The following ARHGAP15 variants were observed in gnomAD, a reference collection of about 807,000 sequenced individuals.
ARHGAP15 encodes the protein rho GTPase-activating protein 15.
In ARHGAP15, 51 loss-of-function variants were observed where a neutral mutation model predicts 63.7. The ratio of observed to expected loss-of-function variants is 0.80; its 90% CI spans 0.64 to 1.01. ARHGAP15 has a LOEUF of 1.01. Among genes scored for constraint, ARHGAP15 ranks in the 50% least tolerant of loss-of-function variants. ARHGAP15 has a pLI of 0.00. For synonymous variants in ARHGAP15, 191 were observed against 193.8 expected, an observed-to-expected ratio of 0.99 and a Z score of 0.12; for missense variants, 560 against 564.6, an observed-to-expected ratio of 0.99 and a Z score of 0.08.
intron 13 of ARHGAP15, among the ~76,000 whole-genome samples, chr2:143,727,167 A>G (rs1230666724): frequency 6.6e-6 from 1 of 152,236 alleles, no homozygotes; most frequent in Non-Finnish European, 1.5e-5. Flanking sequence ...GATAGGGTAG[A>G]GGTAGCATCA....
intron 6 of ARHGAP15, among the ~76,000 whole-genome samples, chr2:143,401,656 C>G (rs964760366): frequency 1.3e-5 from 2 of 151,930 alleles, no homozygotes; most frequent in Admixed American, 6.6e-5. Flanking sequence ...GACATTTTTA[C>G]AGTGATTTCA....
intron 6 of ARHGAP15, among the ~76,000 whole-genome samples, chr2:143,303,995 C>T (rs1683045795): frequency 6.6e-6 from 1 of 152,142 alleles, no homozygotes; most frequent in Admixed American, 6.6e-5. Context: ...AACACTTTTA[C>T]ACTGTTGGTG....
chr2:143,138,727 C>T (rs1166925766), intron 1 of ARHGAP15, among the ~76,000 whole-genome samples: 3 of 152,012 alleles, frequency 2.0e-5, no homozygotes, highest in African/African-American at 7.2e-5. Flanking sequence ...GCAACTAGCA[C>T]AAGTGACTAT....
intron 6 of ARHGAP15, among the ~76,000 whole-genome samples, chr2:143,259,061 T>C (rs1680578959): frequency 6.6e-6 from 1 of 152,078 alleles, no homozygotes; most frequent in African/African-American, 2.4e-5. Context: ...CAATGCTTCA[T>C]TTTCAAAATT....
intron 6 of ARHGAP15, among the ~76,000 whole-genome samples, chr2:143,345,425 T>C (rs992728974): frequency 6.6e-6 from 1 of 152,146 alleles, no homozygotes; most frequent in Non-Finnish European, 1.5e-5. Context: ...ATCATTTTTA[T>C]GTGCAACTTC....
chr2:143,355,721 A>G (rs1268573436), intron 6 of ARHGAP15, among the ~76,000 whole-genome samples: 1 of 152,180 alleles, frequency 6.6e-6, no homozygotes, highest in African/African-American at 2.4e-5. Context: ...TGAGTTATCC[A>G]TAGTACCAAA....
At chr2:143,580,032 A>G (rs1559062260) in intron 11 of ARHGAP15, among the ~76,000 whole-genome samples, 2 of 148,248 alleles carry the variant, frequency 1.3e-5, no homozygotes. Flanking sequence ...TGAGAGCTGA[A>G]GAAAAGTTCT....
At chr2:143,191,341 G>A (rs1691678752) in intron 2 of ARHGAP15, among the ~76,000 whole-genome samples, 2 of 152,130 alleles carry the variant, frequency 1.3e-5, no homozygotes, top group African/African-American at 2.4e-5. Flanking sequence ...GACTTGGTTC[G>A]TATTTTAAAA....
chr2:143,485,939 C>G (rs1201480051), intron 8 of ARHGAP15, among the ~76,000 whole-genome samples: 1 of 152,150 alleles, frequency 6.6e-6, no homozygotes, highest in Admixed American at 6.5e-5. Flanking sequence ...CTTCTCCCAG[C>G]TAGGAGATAA....
In ARHGAP15 at chr2:143,172,396, C is replaced by T. The variant is rs115987751; in HGVS notation, c.165+16741C>T. Among the ~76,000 whole-genome samples, 1,250 of 151,988 alleles carry T rather than the reference C, an allele frequency of 8.2e-3. 19 individuals are homozygous for T. Among genetic ancestry groups the T allele is most frequent in the African/African-American group, 0.028 (1,177 of 41,448 alleles). The stretch of plus-strand genomic sequence containing the variant: ...TTATTTGATGCACAATCAGAGGCCA[C>T]GAAAGGATTTTAAGCACATAAGTCT... On this transcript the variant is annotated intron_variant, in intron 2 of 13. Transcript: ENST00000295095.
chr2:143,679,151 A>T (rs1403871189), intron 12 of ARHGAP15, among the ~76,000 whole-genome samples: 1 of 152,188 alleles, frequency 6.6e-6, no homozygotes, highest in Non-Finnish European at 1.5e-5. Flanking sequence ...TAAAAAAAAA[A>T]AATATGCTGC....
intron 6 of ARHGAP15, among the ~76,000 whole-genome samples, chr2:143,317,672 T>C (rs1415427329): frequency 1.3e-5 from 2 of 152,108 alleles, no homozygotes; most frequent in African/African-American, 4.8e-5. Context: ...ACTGAGGAAT[T>C]TGTACTGTAT....
chr2:143,467,242 C>CTTTTTTTTTTTTTTTTTTTTTTTTTTTT (rs202115707), intron 8 of ARHGAP15, among the ~76,000 whole-genome samples: 12 of 57,924 alleles, frequency 2.1e-4, no homozygotes, highest in Non-Finnish European at 2.7e-4. Context: ...ACTCCATGGC[C>CTTTTTTTTTTTTTTTTTTTTTTTTTTTT]TTTTTTTTTT....
At chr2:143,640,622 G>A (rs1013710966) in intron 12 of ARHGAP15, 2 of 152,076 alleles carry the variant, frequency 1.3e-5, no homozygotes, top group Non-Finnish European at 2.9e-5. Context: ...TCTTCAAAGG[G>A]TTACCTGAAC....
chr2:143,753,742 T>G (rs1686470159), intron 13 of ARHGAP15, among the ~76,000 whole-genome samples: 1 of 152,230 alleles, frequency 6.6e-6, no homozygotes, highest in Non-Finnish European at 1.5e-5. Flanking sequence ...ATCATTATCT[T>G]TAGCTTCAAT....
chr2:143,356,484 G>T, intron 6 of ARHGAP15, among the ~76,000 whole-genome samples: 1 of 151,990 alleles, frequency 6.6e-6, no homozygotes. Flanking sequence ...TAAAAATAGT[G>T]CGAAACACTC....
chr2:143,575,841 A>C (rs1440531417), intron 11 of ARHGAP15, among the ~76,000 whole-genome samples: 2 of 152,116 alleles, frequency 1.3e-5, no homozygotes, highest in African/African-American at 4.8e-5. Flanking sequence ...TTGTGAAGTA[A>C]ATAAGAGATG....
At chr2:143,572,122 A>G (rs1696483329) in intron 11 of ARHGAP15, 1 of 152,108 alleles carries the variant, frequency 6.6e-6, no homozygotes, top group South Asian at 2.1e-4. Context: ...GCTATTTTTC[A>G]GTTTCCTCTG....
At chr2:143,743,817 G>C (rs1264854363) in intron 13 of ARHGAP15, among the ~76,000 whole-genome samples, 1 of 151,958 alleles carries the variant, frequency 6.6e-6, no homozygotes, top group Non-Finnish European at 1.5e-5. Flanking sequence ...GAAAGTTGGA[G>C]TAAGGGGAAG....
Sources: allele counts gnomAD v4.1 joint callset (sites outside exome capture counted in the v4.1 genomes callset), GRCh38; gene constraint gnomAD v4.1.1; transcripts MANE v1.5; gene names NCBI Gene and HGNC (gene_info 2026-07-23, HGNC 2026-07-21).